Variants in LNX2 observed in about 807,000 individuals in gnomAD.
LNX2 encodes ligand of Numb protein X 2.
LNX2 carries 35 observed loss-of-function variants against 66.2 expected under a neutral mutation model. The observed-to-expected ratio is 0.53, with a 90% CI of 0.40 to 0.70. The LOEUF (loss-of-function observed/expected upper bound fraction) is 0.70, where lower values mean the gene tolerates loss of function less well. Ranked by LOEUF, LNX2 falls within the 30% of genes least tolerant of loss-of-function variation. LNX2 has a pLI of 0.00. For missense variants in LNX2, 791 were observed against 850.8 expected (o/e 0.93, Z 0.87); for synonymous variants, 337 against 315.6 (o/e 1.07, Z -0.72).
At chr13:27,585,535 T>C (rs1428500296) in intron 1 of LNX2, among the ~76,000 whole-genome samples, 1 of 152,128 alleles carries the variant, frequency 6.6e-6, no homozygotes, top group African/African-American at 2.4e-5. Context: ...CAAACATTTC[T>C]CGCATTTTAT....
rs567646961 is a variant in LNX2 at position 27,599,591 on chromosome 13, T to C, written c.-100-17788A>G. On this transcript the variant is annotated intron_variant, in intron 1 of 9. Coordinates refer to ENST00000316334, the MANE Select transcript of LNX2 (RefSeq NM_153371.4). ...TTCTAACCAGGTAAAGGTCAATTAG[T>C]AATCCATATTTACAAAGCTATAATT... Among the ~76,000 whole-genome samples, 5 of 152,318 alleles carry C rather than the reference T, an allele frequency of 3.3e-5. No individual in the cohort carries two copies. The South Asian group carries it at 1.0e-3, about 32-fold the overall frequency.
intron 1 of LNX2, among the ~76,000 whole-genome samples, chr13:27,604,522 T>C (rs914241892): frequency 3.3e-5 from 5 of 152,112 alleles, no homozygotes; most frequent in African/African-American, 9.7e-5. Flanking sequence ...ATTAGAAGAG[T>C]GCCCAACAAC....
chr13:27,554,526 A>G (rs1054874920), intron 7 of LNX2, among the ~76,000 whole-genome samples: 3 of 152,132 alleles, frequency 2.0e-5, no homozygotes, highest in Non-Finnish European at 4.4e-5. Flanking sequence ...TACTTGCATA[A>G]TATTTTCAGG....
At position 27,575,911 on chromosome 13, in the gene LNX2, A is replaced by C. The variant is rs1593248792; in HGVS notation, c.407+5386T>G. Among the ~76,000 whole-genome samples the C allele has an allele frequency of 1.1e-4, 16 of 152,364 alleles. 1 individual carries two copies. The South Asian group carries it at 3.3e-3, about 32-fold the overall frequency. On this transcript the variant is annotated intron_variant, in intron 2 of 9. Transcript: ENST00000316334. ...ATTAAAAATATTTAACACAAATGGAAGAAATGGAGGAAAAAAGAAATAAGA... is the reference window on the plus strand; with the variant it reads ...ATTAAAAATATTTAACACAAATGGACGAAATGGAGGAAAAAAGAAATAAGA...
chr13:27,589,624 G>GT (rs1020945547), intron 1 of LNX2, among the ~76,000 whole-genome samples: 2 of 152,104 alleles, frequency 1.3e-5, no homozygotes, highest in East Asian at 3.9e-4. Context: ...GATGAAAAAG[G>GT]TTTTTTTAGT....
At position 27,573,401 on chromosome 13, in the gene LNX2, G is replaced by A. The variant is rs550153266; in HGVS notation, c.408-4125C>T. On this transcript the variant is annotated intron_variant, in intron 2 of 9. Transcript: ENST00000316334. Reference sequence around the variant, plus strand: ...TTGGCTTGACTCAGAGCTCACCCAGGGCAAACTTCCTTTTCACTGGGGGCA... The same window carrying A: ...TTGGCTTGACTCAGAGCTCACCCAGAGCAAACTTCCTTTTCACTGGGGGCA... Among the ~76,000 whole-genome samples, 4 of 151,004 alleles carry A rather than the reference G, an allele frequency of 2.6e-5. No individual in the cohort carries two copies. In the South Asian group the frequency reaches 8.3e-4, roughly 32 times the overall value.
In LNX2 at chr13:27,581,395, A is replaced by G. The variant is rs148483311; in HGVS notation, c.309T>C (p.Val103=). ...CTAATAATTTGTCTAGGAGTTTATGAACTAGAATACTAGACTTCTTGCACA... is the reference window on the plus strand; with the variant it reads ...CTAATAATTTGTCTAGGAGTTTATGGACTAGAATACTAGACTTCTTGCACA... ...FKLCKKSSIL[V]HKLLDKLLVL... is the part of the protein sequence containing the mutation. The change falls in exon 2 of 10, where the codon GTT becomes GTC. Residue 103 remains valine (V), a synonymous_variant. Coordinates refer to ENST00000316334, the MANE Select transcript of LNX2 (RefSeq NM_153371.4). The G allele has an allele frequency of 6.2e-7, 1 of 1,601,342 alleles. No individual in the cohort carries two copies. The highest frequency in any genetic ancestry group is 1.3e-5 in the African/African-American group (1 of 74,670).
chr13:27,608,281 A>G (rs1256389535), intron 1 of LNX2, among the ~76,000 whole-genome samples: 1 of 151,528 alleles, frequency 6.6e-6, no homozygotes, highest in African/African-American at 2.5e-5. Flanking sequence ...TGTCATCTAA[A>G]TATGTTATCA....
At chr13:27,601,417 T>C (rs1319280638) in intron 1 of LNX2, among the ~76,000 whole-genome samples, 2 of 152,202 alleles carry the variant, frequency 1.3e-5, no homozygotes, top group African/African-American at 4.8e-5. Flanking sequence ...TAACACCCTA[T>C]CTGCAGACAT....
At chr13:27,581,903 A>G in intron 1 of LNX2, 100 bp from the exon 2 acceptor site, 1 of 405,898 alleles carries the variant, frequency 2.5e-6, no homozygotes, top group Non-Finnish European at 4.3e-6. Context: ...TTTTTAGTAA[A>G]AAATTAAAGG....
At chr13:27,608,222 C>T (rs1349415546) in intron 1 of LNX2, among the ~76,000 whole-genome samples, 5 of 152,204 alleles carry the variant, frequency 3.3e-5, no homozygotes, top group Admixed American at 2.6e-4. Flanking sequence ...ATTCTTTACT[C>T]GTAACTGCTA....
intron 6 of LNX2, among the ~76,000 whole-genome samples, chr13:27,557,258 A>G (rs1955073510): frequency 6.6e-6 from 1 of 152,210 alleles, no homozygotes; most frequent in Non-Finnish European, 1.5e-5. Flanking sequence ...CTGAAATTAT[A>G]TATTATTATT....
intron 1 of LNX2, among the ~76,000 whole-genome samples, chr13:27,616,404 A>G (rs990997970): frequency 6.6e-5 from 10 of 152,078 alleles, no homozygotes; most frequent in Admixed American, 2.6e-4. Context: ...TCGGACTTAA[A>G]GTCTATGTTA....
chr13:27,583,201 T>C (rs1329234557), intron 1 of LNX2, among the ~76,000 whole-genome samples: 2,754 of 13,970 alleles, frequency 0.2, 437 homozygotes, highest in African/African-American at 0.46. Context: ...TGTGTGTGTG[T>C]GTGTGTGTGT....
chr13:27,617,479 TGTAAA>T (rs1195769791), intron 1 of LNX2, among the ~76,000 whole-genome samples: 6 of 152,140 alleles, frequency 3.9e-5, no homozygotes, highest in Non-Finnish European at 8.8e-5. Context: ...GGGTGGCAAT[TGTAAA>T]GGAAAGAAAG....
At chr13:27,565,499 G>C (rs9512748) in intron 4 of LNX2, among the ~76,000 whole-genome samples, 86,360 of 151,888 alleles carry the variant, frequency 0.57, 25,016 homozygotes, top group African/African-American at 0.67. Context: ...TGTAAGAGTC[G>C]CTCTCTGCAA....
intron 9 of LNX2, among the ~76,000 whole-genome samples, chr13:27,549,605 CTTGT>C (rs1328436987): frequency 1.3e-5 from 2 of 152,130 alleles, no homozygotes; most frequent in Non-Finnish European, 2.9e-5. Flanking sequence ...CCTCAGTTAT[CTTGT>C]TTGTTTTAAA....
At chr13:27,570,574 A>G (rs1440300787) in intron 2 of LNX2, among the ~76,000 whole-genome samples, 1 of 152,198 alleles carries the variant, frequency 6.6e-6, no homozygotes, top group African/African-American at 2.4e-5. Context: ...ACAGCACTCC[A>G]GGGAATGCTC....
At chr13:27,569,312 T>C (rs1291858115) in intron 2 of LNX2, 36 bp from the exon 3 acceptor site, 11 of 1,589,232 alleles carry the variant, frequency 6.9e-6, no homozygotes, top group East Asian at 2.2e-5. Flanking sequence ...CCAGATGATT[T>C]TGAAAACAAA....
Sources: allele counts gnomAD v4.1 joint callset (sites outside exome capture counted in the v4.1 genomes callset), GRCh38; gene constraint gnomAD v4.1.1; transcripts MANE v1.5; gene names NCBI Gene and HGNC (gene_info 2026-07-23, HGNC 2026-07-21).